The following PDZRN3 variants were observed in gnomAD, a reference collection of about 807,000 sequenced individuals.
The protein encoded by PDZRN3 is PDZ domain containing ring finger 3, also known as E3 ubiquitin-protein ligase PDZRN3.
Under a neutral mutation model 85.7 loss-of-function variants are expected in PDZRN3, and 38 were observed. The ratio of observed to expected loss-of-function variants is 0.44; its 90% CI spans 0.34 to 0.58. The LOEUF is 0.58. Among genes scored for constraint, PDZRN3 ranks in the 20% least tolerant of loss-of-function variants. The pLI is 0.01. For synonymous variants in PDZRN3, 759 were observed against 638.0 expected (o/e 1.19, Z -2.86); for missense variants, 1,629 against 1,506.4 (o/e 1.08, Z -1.35).
chr3:73,446,427 G>C (rs1442390501), intron 3 of PDZRN3, among the ~76,000 whole-genome samples: 3 of 152,172 alleles, frequency 2.0e-5, no homozygotes, highest in Non-Finnish European at 4.4e-5. Context: ...GGTAAAATTA[G>C]AGGGGAACAA....
intron 3 of PDZRN3, among the ~76,000 whole-genome samples, chr3:73,574,457 T>TGGGGGGGGGG (rs72092693): frequency 1.2e-4 from 15 of 120,656 alleles, no homozygotes; most frequent in South Asian, 2.9e-4. Flanking sequence ...TTGGCTGGGG[T>TGGGGGGGGGG]GGGGGGGGTG....
intron 3 of PDZRN3, among the ~76,000 whole-genome samples, chr3:73,459,185 A>G (rs1703051595): frequency 1.3e-5 from 2 of 151,966 alleles, no homozygotes. Flanking sequence ...TCTCCTGAGA[A>G]CTCACTATCA....
rs535175453 is a variant in PDZRN3 at position 73,449,998 on chromosome 3, C to T, written c.919-45603G>A. On this transcript the variant is annotated intron_variant, in intron 3 of 9. Transcript: ENST00000263666. The stretch of plus-strand genomic sequence containing the variant: ...CGCCATAGGTACCTCCTCTGGAGGA[C>T]GATGATGAGAAGGGTCCTTAGGAGG... Among the ~76,000 whole-genome samples the T allele has an allele frequency of 6.6e-5, 10 of 152,252 alleles. No homozygotes were observed. In the East Asian group the frequency reaches 9.6e-4, roughly 15 times the overall value.
At position 73,383,597 on chromosome 3, in the gene PDZRN3, C is replaced by A. The variant is rs1235466420; in HGVS notation, c.2969G>T (p.Arg990Leu). ...GCTCTGCATCATGAACTCGCGCCGC[C>A]GCCGCTGCTCCTTGGCCTTCACCAG... ...QHLVKAKEQR[R>L]RREFMMQSRL... The change falls in exon 10 of 10, where the codon CGG becomes CTG. Residue 990 changes from arginine (R) to leucine (L), a missense_variant. Physicochemically the swap from Arg to Leu is moderately radical, Grantham distance 102. Coordinates refer to ENST00000263666, the MANE Select transcript of PDZRN3 (RefSeq NM_015009.3). 1.2e-6 allele frequency: 2 copies of A among 1,614,082 alleles called. No homozygotes were observed.
intron 3 of PDZRN3, among the ~76,000 whole-genome samples, chr3:73,441,067 T>C (rs1217150013): frequency 6.6e-6 from 1 of 152,158 alleles, no homozygotes; most frequent in Non-Finnish European, 1.5e-5. Flanking sequence ...ACTTTGTGGG[T>C]CAAGAGGCAA....
rs935852586 is a variant in PDZRN3 at position 73,540,564 on chromosome 3, T to C, written c.918+61790A>G. On this transcript the variant is annotated intron_variant, in intron 3 of 9. Coordinates refer to ENST00000263666, the MANE Select transcript of PDZRN3 (RefSeq NM_015009.3). ...GGTTACCCTCATGCTGCTGTTCTTG[T>C]GATAGTGAATGAGTTCTCACAAGAT... Among the ~76,000 whole-genome samples, 23 of 152,302 alleles carry C rather than the reference T, an allele frequency of 1.5e-4. No homozygotes were observed. The East Asian group carries it at 4.3e-3, about 28-fold the overall frequency.
chr3:73,589,900 CAT>C (rs1232468345), intron 3 of PDZRN3, among the ~76,000 whole-genome samples: 1 of 151,990 alleles, frequency 6.6e-6, no homozygotes, highest in African/African-American at 2.4e-5. Context: ...TATATATATT[CAT>C]ATAGAGTCAT....
rs71126867 is a variant in PDZRN3 at position 73,386,226 on chromosome 3, C to CTTTTTTTTTTTTTTTTT, written c.1519-458_1519-442dup. ...GCTGTTTGGCTTGGGCAAGATATCA[C>CTTTTTTTTTTTTTTTTT]TTTTTTTTTTTTTTTTTTTGAGACA... On this transcript the variant is annotated intron_variant, in intron 8 of 9. Transcript: ENST00000263666. 1.1e-3 allele frequency among the ~76,000 whole-genome samples: 104 copies of CTTTTTTTTTTTTTTTTT among 90,688 alleles called. 22 individuals carry two copies. Among genetic ancestry groups the CTTTTTTTTTTTTTTTTT allele is most frequent in the East Asian group, 3.8e-3 (9 of 2,364 alleles). 59.5% of individuals were successfully genotyped at this position (90,688 alleles called of 152,430 possible).
At chr3:73,555,415 G>C (rs1701671180) in intron 3 of PDZRN3, among the ~76,000 whole-genome samples, 1 of 152,196 alleles carries the variant, frequency 6.6e-6, no homozygotes, top group African/African-American at 2.4e-5. Context: ...CCTGTAGGGA[G>C]AATCCTAATT....
At chr3:73,516,601 A>G (rs149026178) in intron 3 of PDZRN3, among the ~76,000 whole-genome samples, 45 of 152,340 alleles carry the variant, frequency 3.0e-4, no homozygotes, top group East Asian at 9.6e-4. Flanking sequence ...TTTGCCATAC[A>G]TAAGTTTTAA....
intron 3 of PDZRN3, among the ~76,000 whole-genome samples, chr3:73,494,132 C>T (rs545402650): frequency 9.2e-5 from 14 of 152,344 alleles, no homozygotes; most frequent in African/African-American, 3.4e-4. Context: ...GGGCTTCTGA[C>T]ACATGCATTC....
chr3:73,570,195 G>A (rs1702025524), intron 3 of PDZRN3, among the ~76,000 whole-genome samples: 1 of 151,966 alleles, frequency 6.6e-6, no homozygotes, highest in East Asian at 1.9e-4. Flanking sequence ...GACAACAATG[G>A]GCATGTAGAA....
At chr3:73,589,158 C>T (rs1702319179) in intron 3 of PDZRN3, among the ~76,000 whole-genome samples, 1 of 152,060 alleles carries the variant, frequency 6.6e-6, no homozygotes, top group South Asian at 2.1e-4. Context: ...CGCCATTCTG[C>T]CTCAGCCTCC....
chr3:73,388,153 G>C, intron 7 of PDZRN3, 84 bp from the exon 8 acceptor site: 1 of 692,448 alleles, frequency 1.4e-6, no homozygotes, highest in Admixed American at 2.6e-5. Context: ...TTTTATTTCA[G>C]ACCTGCATTT....
intron 1 of PDZRN3, among the ~76,000 whole-genome samples, chr3:73,610,629 T>C (rs1702668710): frequency 6.6e-6 from 1 of 152,242 alleles, no homozygotes; most frequent in Non-Finnish European, 1.5e-5. Flanking sequence ...ATTTGGCAAG[T>C]TATCTTACAT....
At chr3:73,474,519 C>A (rs1197067531) in intron 3 of PDZRN3, 5 of 1,287,782 alleles carry the variant, frequency 3.9e-6, no homozygotes, top group Non-Finnish European at 5.1e-6. Context: ...TAAGATCATC[C>A]TCTTGTGTTC....
At chr3:73,436,843 G>A (rs530449505) in intron 3 of PDZRN3, among the ~76,000 whole-genome samples, 3 of 151,970 alleles carry the variant, frequency 2.0e-5, no homozygotes, top group South Asian at 4.2e-4. Context: ...GTCAGGAGAT[G>A]GAGACCATCC....
intron 3 of PDZRN3, among the ~76,000 whole-genome samples, chr3:73,416,710 A>T (rs13315358): frequency 0.032 from 4,909 of 152,270 alleles, 286 homozygotes; most frequent in African/African-American, 0.11. Context: ...CTCTGCAAAA[A>T]GGGATGCATA....
Position 73,385,680 on chromosome 3 carries a change from C to G in PDZRN3, c.1624G>C (p.Val542Leu), listed in dbSNP as rs563627189. 1.1e-5 allele frequency: 18 copies of G among 1,605,584 alleles called. No individual in the cohort carries two copies. The highest frequency in any genetic ancestry group is 2.2e-5 in the South Asian group (2 of 90,934). The change falls in exon 9 of 10, where the codon GTG becomes CTG. Residue 542 changes from valine to leucine, a missense_variant. Coordinates refer to ENST00000263666, the MANE Select transcript of PDZRN3 (RefSeq NM_015009.3). The stretch of plus-strand genomic sequence containing the variant: ...TGCGTGGGCGTTACCTGCTGCAGCA[C>G]GCTAGCTGTGAATTGCATGGCCTGG... The part of the protein sequence containing the change: ...HHQAMQFTAS[V>L]LQQKKHDEDG...
Sources: allele counts gnomAD v4.1 joint callset (sites outside exome capture counted in the v4.1 genomes callset), GRCh38; gene constraint gnomAD v4.1.1; transcripts MANE v1.5; gene names NCBI Gene and HGNC (gene_info 2026-07-23, HGNC 2026-07-21).